The following OSBPL6 variants were observed in gnomAD, a reference collection of about 807,000 sequenced individuals.
OSBPL6 encodes the protein oxysterol-binding protein-related protein 6.
Under a neutral mutation model 125.8 loss-of-function variants are expected in OSBPL6, and 49 were observed. The observed-to-expected ratio is 0.39, with a 90% CI of 0.31 to 0.49. OSBPL6 has a LOEUF of 0.49. OSBPL6 is among the 20% of genes least tolerant of loss of function. The probability of loss-of-function intolerance (pLI) is 0.88; values close to 1 mark genes in which losing one functional copy is unlikely to be tolerated. For synonymous variants in OSBPL6, 394 were observed against 391.8 expected (o/e 1.01, Z -0.07); for missense variants, 986 against 1,135.4 (o/e 0.87, Z 1.89).
intron 17 of OSBPL6, 80 bp downstream of exon 17, chr2:178,383,357 A>G: frequency 1.3e-6 from 2 of 1,502,506 alleles, no homozygotes; most frequent in Non-Finnish European, 1.8e-6. Flanking sequence ...TCATTATGAT[A>G]TATTTGGCAT....
intron 1 of OSBPL6, among the ~76,000 whole-genome samples, chr2:178,246,095 C>T (rs2091479776): frequency 6.6e-6 from 1 of 152,208 alleles, no homozygotes; most frequent in Non-Finnish European, 1.5e-5. Context: ...GACCTTACCA[C>T]CTGCTCTCAC....
At chr2:178,302,895 G>C (rs1686424286) in intron 2 of OSBPL6, among the ~76,000 whole-genome samples, 2 of 152,210 alleles carry the variant, frequency 1.3e-5, no homozygotes, top group Non-Finnish European at 2.9e-5. Flanking sequence ...TCAGTTTAAT[G>C]AGTTAGGTTG....
At chr2:178,336,170 A>G in intron 8 of OSBPL6, 131 bp from the exon 9 acceptor site, 1 of 1,171,312 alleles carries the variant, frequency 8.5e-7, no homozygotes. Flanking sequence ...TTTAGCCAAG[A>G]GGCTTCTTCC....
intron 12 of OSBPL6, among the ~76,000 whole-genome samples, chr2:178,358,946 C>T (rs1189660151): frequency 2.0e-5 from 3 of 151,968 alleles, no homozygotes; most frequent in East Asian, 1.9e-4. Context: ...AACGTATAAC[C>T]TTTACTTGAG....
chr2:178,329,767 G>A (rs1034932109), intron 5 of OSBPL6, among the ~76,000 whole-genome samples: 17 of 151,996 alleles, frequency 1.1e-4, no homozygotes, highest in African/African-American at 4.1e-4. Context: ...TGAAATCAGT[G>A]GAAGAATAAA....
chr2:178,401,803 A>G lies in OSBPL6; in HGVS notation c.*6244A>G, dbSNP rs1696109442. 6.6e-6 allele frequency: 1 copy of G among 152,210 alleles called. No homozygotes were observed. 9.4% of individuals were successfully genotyped at this position (152,210 alleles called of 1,614,324 possible). ...ACCGAGAATCCTCATTGTAACAAGCACCCTCTGCCCCCGGGACATTTTAAG... is the reference window on the plus strand; with the variant it reads ...ACCGAGAATCCTCATTGTAACAAGCGCCCTCTGCCCCCGGGACATTTTAAG... On this transcript the variant is annotated 3_prime_UTR_variant, in exon 25 of 25. Coordinates refer to ENST00000190611, the MANE Select transcript of OSBPL6 (RefSeq NM_032523.4).
At chr2:178,300,771 C>G (rs892888024) in intron 2 of OSBPL6, among the ~76,000 whole-genome samples, 1 of 152,194 alleles carries the variant, frequency 6.6e-6, no homozygotes, top group South Asian at 2.1e-4. Context: ...TTACTCTTAA[C>G]TGTCACTTAC....
chr2:178,317,483 ATAAT>A (rs1439824000), intron 3 of OSBPL6, among the ~76,000 whole-genome samples: 2 of 112,154 alleles, frequency 1.8e-5, no homozygotes, highest in South Asian at 2.7e-4. Flanking sequence ...TATATATAGA[ATAAT>A]TATTCATTCA....
intron 12 of OSBPL6, among the ~76,000 whole-genome samples, chr2:178,361,367 T>G (rs1391917396): frequency 6.6e-6 from 1 of 152,252 alleles, no homozygotes; most frequent in Non-Finnish European, 1.5e-5. Flanking sequence ...CTATTCTTTC[T>G]AGGGATTATA....
chr2:178,233,349 C>T (rs2090913563), intron 1 of OSBPL6, among the ~76,000 whole-genome samples: 1 of 152,206 alleles, frequency 6.6e-6, no homozygotes, highest in African/African-American at 2.4e-5. Flanking sequence ...ACCAGCCTTG[C>T]TCTCTGAAAA....
intron 1 of OSBPL6, among the ~76,000 whole-genome samples, chr2:178,252,104 ATT>A (rs2091716605): frequency 1.3e-5 from 2 of 152,004 alleles, no homozygotes. Flanking sequence ...ACCACCATTC[ATT>A]TTCTTAAATT....
chr2:178,386,939 G>A, intron 19 of OSBPL6, 122 bp from the exon 20 acceptor site: 1 of 532,226 alleles, frequency 1.9e-6, no homozygotes, highest in Non-Finnish European at 3.2e-6. Context: ...TACTAAATCA[G>A]CAATATAGAA....
intron 1 of OSBPL6, among the ~76,000 whole-genome samples, chr2:178,247,792 G>C (rs1054075582): frequency 6.6e-6 from 1 of 152,152 alleles, no homozygotes; most frequent in African/African-American, 2.4e-5. Context: ...TCTGTGTTCT[G>C]TCAAATCCTC....
chr2:178,328,291 A>G lies in OSBPL6; in HGVS notation c.231A>G (p.Lys77=), dbSNP rs749729082. 6.2e-7 allele frequency: 1 copy of G among 1,613,938 alleles called. No homozygotes were observed. The highest frequency in any genetic ancestry group is 1.1e-5 in the South Asian group (1 of 91,078). ...GCTGGGAAATTATAGAAGGGCTGAA[A>G]ATAGGCCAAACCAATGTCCAGAAAC... ...ADSWEIIEGL[K]IGQTNVQKPD... is the part of the protein sequence containing the mutation. Residue 77 remains lysine (K), a synonymous_variant, in exon 5 of 25, where the codon AAA becomes AAG. Transcript: ENST00000190611.
At chr2:178,235,153 A>C (rs1285159686) in intron 1 of OSBPL6, among the ~76,000 whole-genome samples, 1 of 152,186 alleles carries the variant, frequency 6.6e-6, no homozygotes, top group Non-Finnish European at 1.5e-5. Context: ...AGTAGAATAT[A>C]TATAACAAAA....
At chr2:178,387,541 G>A (rs955399419) in intron 20 of OSBPL6, among the ~76,000 whole-genome samples, 1 of 152,170 alleles carries the variant, frequency 6.6e-6, no homozygotes, top group African/African-American at 2.4e-5. Flanking sequence ...GTGTTCTAGA[G>A]GATACTGCCT....
chr2:178,324,180 A>T lies in OSBPL6; in HGVS notation c.106A>T (p.Ile36Phe). Residue 36 changes from isoleucine to phenylalanine, a missense_variant, in exon 4 of 25, where the codon ATT becomes TTT. Physicochemically the swap from Ile to Phe is conservative, Grantham distance 21. Around this residue, in one of 3 missense-constraint regions of OSBPL6, gnomAD observed 130 missense variants for 106.4 expected, o/e 1.22. Coordinates refer to ENST00000190611, the MANE Select transcript of OSBPL6 (RefSeq NM_032523.4). ...CTATGTTTTCATTTATTTTCAGAGT[A>T]TTCACATACTGGAGAGGACTGCTTC... ...TSSQRDSRQSIHILERTASSS... is the reference protein window; with the variant it reads ...TSSQRDSRQSFHILERTASSS... 6.5e-7 allele frequency: 1 copy of T among 1,533,570 alleles called. No homozygotes were observed. Among genetic ancestry groups the T allele is most frequent in the Non-Finnish European group, 8.9e-7 (1 of 1,122,806 alleles). 95.0% of individuals were successfully genotyped at this position (1,533,570 alleles called of 1,614,324 possible).
At chr2:178,272,397 T>C (rs894887366) in intron 1 of OSBPL6, among the ~76,000 whole-genome samples, 2 of 152,218 alleles carry the variant, frequency 1.3e-5, no homozygotes, top group Non-Finnish European at 2.9e-5. Context: ...GAGATGATGA[T>C]TGAAATGATC....
intron 2 of OSBPL6, among the ~76,000 whole-genome samples, chr2:178,288,121 T>C (rs1469750868): frequency 6.6e-6 from 1 of 152,040 alleles, no homozygotes. Context: ...CCTGGAGTAG[T>C]GGAAATGGAG....
Sources: gnomAD v4.1 joint callset for allele counts (sites outside exome capture counted in the v4.1 genomes callset) on GRCh38, gnomAD v4.1.1 for gene constraint, gnomAD v4.1.1 regional missense constraint, MANE v1.5 for transcripts, NCBI Gene and HGNC (gene_info 2026-07-23, HGNC 2026-07-21) for gene names.